The following DOCK4 variants were observed in gnomAD, a reference collection of about 807,000 sequenced individuals.
The protein encoded by DOCK4 is dedicator of cytokinesis protein 4.
DOCK4 carries 97 observed loss-of-function variants against 268.1 expected under a neutral mutation model. That is an observed-to-expected ratio of 0.36 (90% CI 0.31 to 0.43). DOCK4 has a LOEUF of 0.43. Ranked by LOEUF, DOCK4 falls within the 20% of genes least tolerant of loss-of-function variation. The probability of loss-of-function intolerance (pLI) is 1.00; values close to 1 mark genes in which losing one functional copy is unlikely to be tolerated. For missense variants in DOCK4, 2,145 were observed against 2,455.7 expected (o/e 0.87, Z 2.67); for synonymous variants, 954 against 887.2 (o/e 1.08, Z -1.34).
chr7:111,813,276 AAAG>A (rs1801277553), intron 27 of DOCK4, among the ~76,000 whole-genome samples: 1 of 152,234 alleles, frequency 6.6e-6, no homozygotes, highest in Admixed American at 6.5e-5. Flanking sequence ...TGAAAAAACA[AAAG>A]AAAACAAAAT....
intron 1 of DOCK4, among the ~76,000 whole-genome samples, chr7:112,204,891 A>ACC (rs1451065801): frequency 1.2e-3 from 186 of 151,870 alleles, no homozygotes; most frequent in African/African-American, 4.4e-3. Flanking sequence ...AAACACACAC[A>ACC]CACACACACA....
rs1431313804 is a variant in DOCK4 at position 111,735,096 on chromosome 7, T to G, written c.5377A>C (p.Lys1793Gln). The stretch of plus-strand genomic sequence containing the variant: ...GGAGGGACAGGGGGAGAGATAAGTT[T>G]CCCACTATCCGACATGTTCTTGGCT... ...KEAKNMSDSG[K>Q]LISPPVPPRP... The change falls in exon 51 of 53, where the codon AAA (lysine) becomes CAA (glutamine). Residue 1793 changes from lysine (K) to glutamine (Q), a missense_variant. Lys to Gln is a moderately conservative substitution (Grantham distance 53). Transcript: ENST00000428084. 1 of 1,601,942 alleles carries G rather than the reference T, an allele frequency of 6.2e-7. No individual in the cohort carries two copies. The highest frequency in any genetic ancestry group is 1.1e-5 in the South Asian group (1 of 88,264).
At chr7:111,900,669 G>A (rs914424173) in intron 14 of DOCK4, 133 bp from the exon 15 acceptor site, 11 of 893,976 alleles carry the variant, frequency 1.2e-5, no homozygotes, top group Admixed American at 5.5e-5. Flanking sequence ...GGCCTTTGCC[G>A]TGTGTTTCTG....
chr7:112,164,771 G>A (rs937692579), intron 1 of DOCK4, among the ~76,000 whole-genome samples: 3 of 152,192 alleles, frequency 2.0e-5, no homozygotes, highest in Non-Finnish European at 4.4e-5. Context: ...CCTGAAGTGG[G>A]TACTGTTATT....
intron 16 of DOCK4, among the ~76,000 whole-genome samples, chr7:111,886,652 G>A (rs1183411062): frequency 3.3e-5 from 5 of 152,068 alleles, no homozygotes; most frequent in Non-Finnish European, 7.4e-5. Flanking sequence ...TAAAGGCACC[G>A]GGGAATAAAA....
intron 1 of DOCK4, among the ~76,000 whole-genome samples, chr7:112,120,135 T>G (rs1812603335): frequency 6.6e-6 from 1 of 152,142 alleles, no homozygotes; most frequent in African/African-American, 2.4e-5. Context: ...GATTGCTCTT[T>G]TTAATAATTT....
chr7:111,778,222 A>G, intron 36 of DOCK4, 54 bp downstream of exon 36: 2 of 1,251,466 alleles, frequency 1.6e-6, no homozygotes, highest in Non-Finnish European at 2.3e-6. Context: ...CGGAGGAATG[A>G]TCATGATTAA....
intron 1 of DOCK4, among the ~76,000 whole-genome samples, chr7:112,166,769 C>G (rs369293252): frequency 3.2e-4 from 48 of 152,078 alleles, no homozygotes; most frequent in African/African-American, 1.2e-3. Context: ...TTTAATGTCA[C>G]TTCTCTTAGG....
chr7:111,929,907 C>T (rs970713745), intron 12 of DOCK4, among the ~76,000 whole-genome samples: 9 of 152,204 alleles, frequency 5.9e-5, no homozygotes, highest in African/African-American at 2.2e-4. Context: ...TGAAGTTTCT[C>T]TTGGGACATA....
intron 1 of DOCK4, among the ~76,000 whole-genome samples, chr7:112,180,228 C>T (rs1818903385): frequency 6.6e-6 from 1 of 152,020 alleles, no homozygotes; most frequent in Non-Finnish European, 1.5e-5. Flanking sequence ...AGGTAGCCCC[C>T]CTCAACCCAG....
At chr7:111,991,540 G>T (rs1799523965) in intron 5 of DOCK4, among the ~76,000 whole-genome samples, 1 of 152,210 alleles carries the variant, frequency 6.6e-6, no homozygotes, top group Non-Finnish European at 1.5e-5. Context: ...TAGTGTTTTA[G>T]AAAGCGATGA....
chr7:111,813,369 CATAA>C (rs111579037), intron 27 of DOCK4, among the ~76,000 whole-genome samples: 11,118 of 152,098 alleles, frequency 0.073, 1,358 homozygotes, highest in African/African-American at 0.25. Context: ...CTTTGAAAGA[CATAA>C]ATATTCATTA....
intron 7 of DOCK4, among the ~76,000 whole-genome samples, chr7:111,981,788 G>A (rs894432289): frequency 2.6e-5 from 4 of 151,926 alleles, no homozygotes; most frequent in African/African-American, 7.3e-5. Flanking sequence ...TCCCACCAAC[G>A]GCCAACATTG....
intron 1 of DOCK4, among the ~76,000 whole-genome samples, chr7:112,066,684 CATATACAT>C (rs1563052006): frequency 2.2e-4 from 10 of 46,118 alleles, no homozygotes; most frequent in African/African-American, 4.1e-4. Flanking sequence ...TACATATATA[CATATACAT>C]ATATATATAT....
At chr7:112,169,669 T>A (rs1263942974) in intron 1 of DOCK4, among the ~76,000 whole-genome samples, 8 of 152,214 alleles carry the variant, frequency 5.3e-5, no homozygotes, top group Non-Finnish European at 1.0e-4. Flanking sequence ...CCACTCCACC[T>A]TTCTCGTGTA....
At chr7:112,058,588 G>A (rs1425497011) in intron 1 of DOCK4, among the ~76,000 whole-genome samples, 1 of 152,044 alleles carries the variant, frequency 6.6e-6, no homozygotes, top group Non-Finnish European at 1.5e-5. Flanking sequence ...TAAATATTAA[G>A]TCCCTTGAGC....
intron 15 of DOCK4, among the ~76,000 whole-genome samples, chr7:111,896,486 GGT>G (rs1491446574): frequency 5.3e-4 from 71 of 133,986 alleles, no homozygotes; most frequent in African/African-American, 1.8e-3. Context: ...TTTCCACCAA[GGT>G]TTTTTTTTTT....
chr7:111,877,313 G>C (rs549669506), intron 16 of DOCK4, 127 bp from the exon 17 acceptor site: 6 of 895,368 alleles, frequency 6.7e-6, no homozygotes, highest in Admixed American at 4.3e-5. Context: ...AGTAGAATTT[G>C]GTTTTTAAAT....
At chr7:111,827,447 G>T (rs1232925959) in intron 26 of DOCK4, among the ~76,000 whole-genome samples, 1 of 152,150 alleles carries the variant, frequency 6.6e-6, no homozygotes, top group Non-Finnish European at 1.5e-5. Context: ...GACTCTCAAT[G>T]GCCCATAGTC....
Sources: allele counts gnomAD v4.1 joint callset (sites outside exome capture counted in the v4.1 genomes callset), GRCh38; gene constraint gnomAD v4.1.1; transcripts MANE v1.5; gene names NCBI Gene and HGNC (gene_info 2026-07-23, HGNC 2026-07-21).